EMILIN2: variants seen among roughly 807,000 people sequenced by gnomAD.
The protein encoded by EMILIN2 is elastin microfibril interfacer 2, also known as EMILIN-2.
EMILIN2 carries 71 observed loss-of-function variants against 87.1 expected under a neutral mutation model. The ratio of observed to expected loss-of-function variants is 0.82; its 90% CI spans 0.67 to 0.99. The LOEUF is 0.99. Ranked by LOEUF, EMILIN2 falls within the 50% of genes least tolerant of loss-of-function variation. EMILIN2 has a pLI of 0.00. For synonymous variants in EMILIN2, 581 were observed against 563.4 expected (o/e 1.03, Z -0.44); for missense variants, 1,407 against 1,371.8 (o/e 1.03, Z -0.40).
At chr18:2,874,123 AC>A (rs60305959) in intron 2 of EMILIN2, among the ~76,000 whole-genome samples, 132,386 of 151,886 alleles carry the variant, frequency 0.87, 57,825 homozygotes, top group East Asian at 0.99. Flanking sequence ...TTTCCTTCTT[AC>A]CCCCGCATGG....
intron 3 of EMILIN2, among the ~76,000 whole-genome samples, chr18:2,888,768 CA>C (rs1156926611): frequency 6.9e-6 from 1 of 144,002 alleles, no homozygotes; most frequent in Non-Finnish European, 1.5e-5. Flanking sequence ...GTAAGGAAAA[CA>C]AGGTGTTATT....
At chr18:2,883,908 T>C (rs756623841) in intron 2 of EMILIN2, among the ~76,000 whole-genome samples, 6 of 152,228 alleles carry the variant, frequency 3.9e-5, no homozygotes, top group Non-Finnish European at 8.8e-5. Context: ...GGTGCAGCGG[T>C]AAACACACAG....
intron 2 of EMILIN2, among the ~76,000 whole-genome samples, chr18:2,857,569 G>A (rs1346787780): frequency 1.3e-5 from 2 of 152,332 alleles, no homozygotes; most frequent in East Asian, 1.9e-4. Flanking sequence ...GAGGAAAGCC[G>A]AGGGGGCGAT....
rs768773786 is a variant in EMILIN2 at position 2,891,455 on chromosome 18, A to G, written c.1328A>G (p.Asp443Gly). The G allele has an allele frequency of 2.0e-5, 33 of 1,614,214 alleles. No individual in the cohort carries two copies. The highest frequency in any genetic ancestry group is 1.7e-5 in the Non-Finnish European group (20 of 1,180,022). Residue 443 changes from aspartate to glycine, a missense_variant, in exon 4 of 8, where the codon GAT becomes GGT. Coordinates refer to ENST00000254528, the MANE Select transcript of EMILIN2 (RefSeq NM_032048.3). This position sits in a 1 kb window ranked among gnomAD's most constrained non-coding sequence, Gnocchi z 4.6. ...EFDRLIVPEP[D>G]VDFDAKWNEL... is the part of the protein sequence containing the mutation. ...GACCGCCTTATAGTTCCAGAGCCAG[A>G]TGTGGATTTTGATGCAAAATGGAAT... is the stretch of plus-strand genomic sequence containing the variant.
chr18:2,873,060 AAC>A (rs200901777), intron 2 of EMILIN2, among the ~76,000 whole-genome samples: 2,408 of 143,654 alleles, frequency 0.017, 60 homozygotes, highest in African/African-American at 0.064. Context: ...AAAAAAAAAA[AAC>A]AAAACCAAAA....
Position 2,906,900 on chromosome 18 carries a change from T to C in EMILIN2, c.2477T>C (p.Leu826Pro), listed in dbSNP as rs2144069774. Reference protein sequence around the residue: ...TAEDPGRRPVLPQRPPEERPP... With the variant: ...TAEDPGRRPVPPQRPPEERPP... ...GAGGACCCTGGGCGACGGCCCGTCC[T>C]GCCCCAGCGGCCCCCCGAGGAGAGG... The change falls in exon 5 of 8, where the codon CTG (leucine) becomes CCG (proline). Residue 826 changes from leucine (L) to proline (P), a missense_variant. Physicochemically the swap from Leu to Pro is moderately conservative, Grantham distance 98. Transcript: ENST00000254528. The C allele has an allele frequency of 3.6e-6, 5 of 1,393,020 alleles. No homozygotes were observed. Among genetic ancestry groups the C allele is most frequent in the Non-Finnish European group, 3.7e-6 (4 of 1,071,366 alleles). The allele number at this position is 1,393,020 out of a possible 1,614,324, so 86.3% of individuals were successfully genotyped here.
At chr18:2,907,295 C>G (rs1011878153) in intron 5 of EMILIN2, among the ~76,000 whole-genome samples, 1 of 152,178 alleles carries the variant, frequency 6.6e-6, no homozygotes. Context: ...ACAGTGCAGT[C>G]GTCTGTACTT....
Position 2,891,888 on chromosome 18 carries a change from C to T in EMILIN2, c.1761C>T (p.Asn587=), listed in dbSNP as rs114143341. Residue 587 remains asparagine, a synonymous_variant, in exon 4 of 8, where the codon AAC becomes AAT. Coordinates refer to ENST00000254528, the MANE Select transcript of EMILIN2 (RefSeq NM_032048.3). This position sits in a 1 kb window ranked among gnomAD's most constrained non-coding sequence, Gnocchi z 4.6. ...GCCTGCACCTTTTGAAATCTCTCAA[C>T]GACACGATGCACAGGAAGTTTCAAG... ...RDSLHLLKSL[N]DTMHRKFQET... 3.0e-5 allele frequency: 48 copies of T among 1,614,128 alleles called. No individual in the cohort carries two copies. The highest frequency in any genetic ancestry group is 4.4e-5 in the South Asian group (4 of 91,092).
intron 4 of EMILIN2, among the ~76,000 whole-genome samples, chr18:2,904,540 A>G (rs987339581): frequency 4.6e-5 from 7 of 152,186 alleles, no homozygotes; most frequent in African/African-American, 1.4e-4. Context: ...CAACCCTTTC[A>G]TGGAAATCTC....
chr18:2,912,196 G>A (rs929341343), intron 7 of EMILIN2, among the ~76,000 whole-genome samples: 4 of 150,842 alleles, frequency 2.7e-5, no homozygotes, highest in Admixed American at 6.6e-5. Context: ...ACGCCACCAC[G>A]CCCATCTAAT....
chr18:2,877,466 A>G (rs950515851), intron 2 of EMILIN2, among the ~76,000 whole-genome samples: 8 of 143,366 alleles, frequency 5.6e-5, no homozygotes, highest in Non-Finnish European at 1.1e-4. Flanking sequence ...CAAACAAAAC[A>G]TTTGTCATAA....
Position 2,890,753 on chromosome 18 carries a change from G to C in EMILIN2, c.626G>C (p.Ser209Thr), listed in dbSNP as rs770216845. The C allele has an allele frequency of 6.2e-7, 1 of 1,613,942 alleles. No homozygotes were observed. The highest frequency in any genetic ancestry group is 8.5e-7 in the Non-Finnish European group (1 of 1,179,934). Residue 209 changes from serine (S) to threonine (T), a missense_variant, in exon 4 of 8, where the codon AGT becomes ACT. By Grantham distance (58) the Ser-to-Thr change is moderately conservative (BLOSUM62 1). Transcript: ENST00000254528. This position sits in a 1 kb window ranked among gnomAD's most constrained non-coding sequence, Gnocchi z 4.7. Reference protein sequence around the residue: ...LDLQSSLAGVSENLKHATQDD... With the variant: ...LDLQSSLAGVTENLKHATQDD... ...CTCCAGTCTTCCCTTGCTGGAGTGA[G>C]TGAAAATCTCAAACATGCCACTCAG... is the stretch of plus-strand genomic sequence containing the variant.
chr18:2,906,544 G>C (rs565918911), intron 4 of EMILIN2: 5 of 359,100 alleles, frequency 1.4e-5, no homozygotes, highest in African/African-American at 6.3e-5. Context: ...GTCTGCGCCG[G>C]AGAGGCTGGA....
rs115299282 is a variant in EMILIN2 at position 2,904,480 on chromosome 18, T to C, written c.2360-2303T>C. Among the ~76,000 whole-genome samples the C allele has an allele frequency of 4.5e-3, 684 of 152,360 alleles. 5 individuals are homozygous for C. Among genetic ancestry groups the C allele is most frequent in the African/African-American group, 0.016 (651 of 41,572 alleles). On this transcript the variant is annotated intron_variant, in intron 4 of 7. Coordinates refer to ENST00000254528, the MANE Select transcript of EMILIN2 (RefSeq NM_032048.3). ...ATGATTTCCTTCCTATTGATCATCA[T>C]TTCGTCATCATGTTCTACCTTCTGA...
At chr18:2,912,402 C>T (rs373206042) in intron 7 of EMILIN2, among the ~76,000 whole-genome samples, 10 of 152,222 alleles carry the variant, frequency 6.6e-5, no homozygotes, top group Non-Finnish European at 1.3e-4. Context: ...TTGTTGTCAG[C>T]GGCAAGGTCC....
chr18:2,912,927 GAGGC>G, intron 7 of EMILIN2, 136 bp from the exon 8 acceptor site: 1 of 861,606 alleles, frequency 1.2e-6, no homozygotes, highest in Non-Finnish European at 1.8e-6. Flanking sequence ...AAAAGCAGCT[GAGGC>G]AGGCAGCCAG....
rs35765300 is a variant in EMILIN2, at chr18:2,905,783, GTT to G, written c.2360-989_2360-988del. Among the ~76,000 whole-genome samples, 488 of 51,872 alleles carry G rather than the reference GTT, an allele frequency of 9.4e-3. 2 individuals carry two copies. Among genetic ancestry groups the G allele is most frequent in the South Asian group, 0.034 (58 of 1,682 alleles). The allele number at this position is 51,872 out of a possible 152,430, so 34.0% of individuals were successfully genotyped here. On this transcript the variant is annotated intron_variant, in intron 4 of 7. Transcript: ENST00000254528. ...ACCCCGGGCTAATTTTTGTTTTTTT[GTT>G]TTTTTTTTTTGGATATTTGGAAGAG...
chr18:2,898,028 C>T (rs956608027), intron 4 of EMILIN2, among the ~76,000 whole-genome samples: 6 of 152,164 alleles, frequency 3.9e-5, no homozygotes, highest in Non-Finnish European at 7.3e-5. Flanking sequence ...AGTGTAGCCA[C>T]GGAGTTGAGC....
intron 7 of EMILIN2, among the ~76,000 whole-genome samples, chr18:2,911,470 A>C (rs990346724): frequency 6.6e-6 from 1 of 152,230 alleles, no homozygotes; most frequent in Non-Finnish European, 1.5e-5. Context: ...ATCTGGAAGC[A>C]GCTGATCATC....
Sources: allele counts gnomAD v4.1 joint callset (sites outside exome capture counted in the v4.1 genomes callset), GRCh38; gene constraint gnomAD v4.1.1; non-coding constraint Gnocchi (gnomAD v3.1); transcripts MANE v1.5; gene names NCBI Gene and HGNC (gene_info 2026-07-23, HGNC 2026-07-21).